FRY: variants seen among roughly 807,000 people sequenced by gnomAD.
FRY encodes FRY microtubule binding protein.
A neutral mutation model predicts 348.4 loss-of-function variants in FRY; 128 were observed. The observed-to-expected ratio is 0.37, with a 90% CI of 0.32 to 0.43. The LOEUF is 0.43. FRY is among the 20% of genes least tolerant of loss of function. The pLI, the probability that FRY is intolerant of heterozygous loss-of-function variation, is 1.00. For synonymous variants in FRY, 1,370 were observed against 1,374.7 expected, an observed-to-expected ratio of 1.00 and a Z score of 0.08; for missense variants, 2,736 against 3,695.2, an observed-to-expected ratio of 0.74 and a Z score of 6.73.
intron 36 of FRY, among the ~76,000 whole-genome samples, chr13:32,219,585 C>A (rs892979547): frequency 2.6e-5 from 4 of 150,992 alleles, no homozygotes; most frequent in Non-Finnish European, 4.4e-5. Context: ...GGTGAAACCC[C>A]ATCTCTACTA....
At chr13:32,139,533 A>G (rs1219580382) in intron 11 of FRY, among the ~76,000 whole-genome samples, 1 of 152,200 alleles carries the variant, frequency 6.6e-6, no homozygotes, top group Non-Finnish European at 1.5e-5. Context: ...CAATGTAAAC[A>G]AGCTCTCAGG....
intron 20 of FRY, among the ~76,000 whole-genome samples, chr13:32,176,863 G>C (rs1022066468): frequency 6.6e-6 from 1 of 152,194 alleles, no homozygotes. Flanking sequence ...TTCACTGAAA[G>C]ATTTGGTGAG....
At chr13:32,294,927 GT>G (rs2138666272) in intron 60 of FRY, among the ~76,000 whole-genome samples, 1 of 152,246 alleles carries the variant, frequency 6.6e-6, no homozygotes, top group South Asian at 2.1e-4. Flanking sequence ...TAAGGTAAAT[GT>G]TTTAGGAGTG....
chr13:32,265,748 A>T, intron 54 of FRY, 132 bp downstream of exon 54: 2 of 893,032 alleles, frequency 2.2e-6, no homozygotes, highest in Non-Finnish European at 3.6e-6. Flanking sequence ...GACATATATC[A>T]TGGCAGGCTC....
chr13:32,096,445 G>C (rs547642762), intron 2 of FRY, among the ~76,000 whole-genome samples: 15 of 151,174 alleles, frequency 9.9e-5, no homozygotes, highest in Non-Finnish European at 1.8e-4. Context: ...TGCGGGGGGG[G>C]GCTTCATCTG....
At chr13:32,176,253 C>A (rs1275595030) in intron 20 of FRY, among the ~76,000 whole-genome samples, 1 of 152,186 alleles carries the variant, frequency 6.6e-6, no homozygotes, top group Non-Finnish European at 1.5e-5. Context: ...GAAATTTAAA[C>A]TGATTTTAGT....
intron 34 of FRY, 112 bp downstream of exon 34, chr13:32,211,146 G>A (rs1474834626): frequency 4.0e-6 from 4 of 999,978 alleles, no homozygotes; most frequent in Non-Finnish European, 4.6e-6. Flanking sequence ...ATTCCTGTGT[G>A]TGCATTCAGT....
intron 29 of FRY, among the ~76,000 whole-genome samples, chr13:32,196,615 T>C (rs762018489): frequency 8.6e-5 from 13 of 152,032 alleles, no homozygotes; most frequent in Non-Finnish European, 1.8e-4. Context: ...GTGAACTTAC[T>C]GTTCTCTAGT....
chr13:32,150,921 G>A (rs1231950208), intron 14 of FRY, among the ~76,000 whole-genome samples: 1 of 152,180 alleles, frequency 6.6e-6, no homozygotes, highest in African/African-American at 2.4e-5. Flanking sequence ...AAAAATGGGA[G>A]TTTCTGTCTG....
chr13:32,149,925 G>A, intron 14 of FRY, 91 bp downstream of exon 14: 2 of 785,052 alleles, frequency 2.5e-6, no homozygotes, highest in South Asian at 1.4e-5. Flanking sequence ...GATGAGGGAT[G>A]TCTTCTCACA....
Position 32,194,204 on chromosome 13 carries a change from A to T in FRY, c.3653A>T (p.Asn1218Ile). 6.2e-7 allele frequency: 1 copy of T among 1,614,022 alleles called. No individual in the cohort carries two copies. The highest frequency in any genetic ancestry group is 8.5e-7 in the Non-Finnish European group (1 of 1,179,952). Residue 1218 changes from asparagine (N) to isoleucine (I), a missense_variant, in exon 29 of 61, where the codon AAT becomes ATT. Around this residue, in one of 9 missense-constraint regions of FRY, gnomAD observed 794 missense variants for 977.0 expected, o/e 0.81. Coordinates refer to ENST00000542859, the MANE Select transcript of FRY (RefSeq NM_023037.3). ...LLLELNPDQINLFNWAIDRCY... is the reference protein window; with the variant it reads ...LLLELNPDQIILFNWAIDRCY... ...CTGGAACTTAATCCTGACCAAATAA[A>T]TCTTTTTAACTGGGCAATTGACCGA...
intron 55 of FRY, among the ~76,000 whole-genome samples, chr13:32,270,755 C>T (rs570130482): frequency 6.6e-6 from 1 of 152,262 alleles, no homozygotes; most frequent in Admixed American, 6.5e-5. Context: ...CCTGGCATCT[C>T]GGGATTTTGT....
At chr13:32,287,504 C>G (rs1332956970) in intron 58 of FRY, among the ~76,000 whole-genome samples, 1 of 152,238 alleles carries the variant, frequency 6.6e-6, no homozygotes, top group East Asian at 1.9e-4. Context: ...CTGGCTTCCT[C>G]TCAGTTTTAC....
Position 32,096,541 on chromosome 13 carries a change from A to G in FRY, c.271-5422A>G, listed in dbSNP as rs150313274. ...GGTGCAGTGGCACGCCTGTAATCCT[A>G]GCAGTTTGGGAGGCCCAGGTGGGCG... On this transcript the variant is annotated intron_variant, in intron 2 of 60. Transcript: ENST00000542859. Among the ~76,000 whole-genome samples the G allele has an allele frequency of 2.0e-3, 301 of 152,288 alleles. 2 individuals carry two copies. Among genetic ancestry groups the G allele is most frequent in the African/African-American group, 6.9e-3 (286 of 41,558 alleles).
At chr13:32,162,091 A>G (rs117909858) in intron 17 of FRY, among the ~76,000 whole-genome samples, 3,348 of 152,326 alleles carry the variant, frequency 0.022, 54 homozygotes, top group Non-Finnish European at 0.033. Context: ...AAACCCAATG[A>G]TGAAAGGAAA....
Position 32,063,333 on chromosome 13 carries a change from A to G in FRY, c.71-15501A>G, listed in dbSNP as rs373984748. ...CTTGCCCTTGGTGTTTGACTTAAAT[A>G]TGATTCTAATAAAATAGCTCAAGAA... is the stretch of plus-strand genomic sequence containing the variant. On this transcript the variant is annotated intron_variant, in intron 1 of 60. Transcript: ENST00000542859. 9.9e-5 allele frequency among the ~76,000 whole-genome samples: 15 copies of G among 152,180 alleles called. No homozygotes were observed. In the East Asian group the frequency reaches 1.7e-3, roughly 18 times the overall value.
At chr13:32,229,153 T>A (rs948014560) in intron 40 of FRY, among the ~76,000 whole-genome samples, 1 of 152,182 alleles carries the variant, frequency 6.6e-6, no homozygotes, top group Non-Finnish European at 1.5e-5. Flanking sequence ...ATAGGAAGCA[T>A]AATAGGAAAG....
Position 32,221,339 on chromosome 13 carries a change from A to G in FRY, c.4765+2508A>G, listed in dbSNP as rs147604334. On this transcript the variant is annotated intron_variant, in intron 36 of 60. Transcript: ENST00000542859. ...TAAAATTGCCTAAAGACGACATAGT[A>G]TGTTCTTCCTCTTAATACATAAACT... 1.4e-3 allele frequency among the ~76,000 whole-genome samples: 215 copies of G among 152,326 alleles called. 1 individual carries two copies. The Middle Eastern group carries it at 0.024, about 17-fold the overall frequency.
chr13:32,218,951 TTTAATCCACCTATGCAGATG>T, intron 36 of FRY, 120 bp downstream of exon 36: 1 of 699,942 alleles, frequency 1.4e-6, no homozygotes. Context: ...TAAGTAACCA[TTTAATCCACCTATGCAGATG>T]AGCATAGAGT....
Sources: allele counts gnomAD v4.1 joint callset (sites outside exome capture counted in the v4.1 genomes callset), GRCh38; gene constraint gnomAD v4.1.1; regional missense constraint gnomAD v4.1.1; transcripts MANE v1.5; gene names NCBI Gene and HGNC (gene_info 2026-07-23, HGNC 2026-07-21).